FOXP1: variants seen among roughly 807,000 people sequenced by gnomAD.
The protein encoded by FOXP1 is forkhead box P1.
Under a neutral mutation model 98.2 loss-of-function variants are expected in FOXP1, and 15 were observed. The ratio of observed to expected loss-of-function variants is 0.15; its 90% CI spans 0.10 to 0.24. FOXP1 has a LOEUF of 0.24. Among genes scored for constraint, FOXP1 ranks in the 10% least tolerant of loss-of-function variants. FOXP1 has a pLI of 1.00. For synonymous variants in FOXP1, 371 were observed against 314.5 expected, an observed-to-expected ratio of 1.18 and a Z score of -1.90; for missense variants, 633 against 848.5, an observed-to-expected ratio of 0.75 and a Z score of 3.15.
chr3:71,366,599 C>CA (rs1560377715), intron 3 of FOXP1, among the ~76,000 whole-genome samples: 1 of 151,936 alleles, frequency 6.6e-6, no homozygotes, highest in Non-Finnish European at 1.5e-5. Context: ...AAGTAATATC[C>CA]AAAATACCTG....
At chr3:71,229,226 A>G (rs2066089694) in intron 5 of FOXP1, among the ~76,000 whole-genome samples, 1 of 152,186 alleles carries the variant, frequency 6.6e-6, no homozygotes, top group Admixed American at 6.5e-5. Context: ...ATTTGTACAT[A>G]ATCAGAGAAC....
rs948802068 is a variant in FOXP1 at position 70,970,929 on chromosome 3, A to C, written c.1653-124T>G. On this transcript the variant is annotated intron_variant, in intron 18 of 20. Transcript: ENST00000649528. ...GCAATTTCCCCCACTAGCAAAACCC[A>C]AGAAAAGTCAGGCTTTCTCCCCGTC... 3.4e-5 allele frequency: 26 copies of C among 759,456 alleles called. No individual in the cohort carries two copies. In the African/African-American group the frequency reaches 4.3e-4, roughly 13 times the overall value. The allele number at this position is 759,456 out of a possible 1,614,324, so 47.0% of individuals were successfully genotyped here. A position where few individuals can be genotyped will look rare whatever the true frequency, so the allele number is the denominator to read the frequency against.
intron 6 of FOXP1, among the ~76,000 whole-genome samples, chr3:71,115,737 C>T (rs1212697949): frequency 1.7e-5 from 2 of 116,082 alleles, no homozygotes; most frequent in Non-Finnish European, 1.8e-5. Flanking sequence ...CAAAACTATT[C>T]TTTTTTTTTT....
At chr3:71,106,969 A>G (rs2057492680) in intron 7 of FOXP1, among the ~76,000 whole-genome samples, 1 of 150,744 alleles carries the variant, frequency 6.6e-6, no homozygotes, top group Admixed American at 6.6e-5. Context: ...GGGTTTTGCC[A>G]TGTTGCCCAG....
At chr3:71,424,243 G>C (rs576395259) in intron 3 of FOXP1, among the ~76,000 whole-genome samples, 18 of 152,310 alleles carry the variant, frequency 1.2e-4, no homozygotes, top group African/African-American at 4.3e-4. Flanking sequence ...GCAAACAGAG[G>C]CATCACCTCC....
At chr3:71,374,546 G>A (rs1453517938) in intron 3 of FOXP1, among the ~76,000 whole-genome samples, 1 of 151,710 alleles carries the variant, frequency 6.6e-6, no homozygotes, top group Non-Finnish European at 1.5e-5. Flanking sequence ...TGAGCCAAGA[G>A]TGCGCCACTA....
intron 6 of FOXP1, among the ~76,000 whole-genome samples, chr3:71,174,915 G>GTT (rs547976769): frequency 2.9e-5 from 4 of 136,996 alleles, no homozygotes; most frequent in Admixed American, 7.3e-5. Context: ...GTACATAAAT[G>GTT]TTTTTTTTTT....
At chr3:70,977,301 A>T (rs1331692617) in intron 16 of FOXP1, among the ~76,000 whole-genome samples, 1 of 152,236 alleles carries the variant, frequency 6.6e-6, no homozygotes, top group East Asian at 1.9e-4. Context: ...GCAGAATCAA[A>T]GAGAAATGCA....
chr3:71,158,254 A>C (rs2060949324), intron 6 of FOXP1, among the ~76,000 whole-genome samples: 1 of 151,966 alleles, frequency 6.6e-6, no homozygotes, highest in African/African-American at 2.4e-5. Flanking sequence ...AGAGTGAGTG[A>C]GTGCCTGAAG....
At chr3:71,123,289 G>A (rs561866400) in intron 6 of FOXP1, among the ~76,000 whole-genome samples, 33 of 152,256 alleles carry the variant, frequency 2.2e-4, no homozygotes, top group African/African-American at 7.2e-4. Flanking sequence ...TGTTGTGATG[G>A]CAAACTCCAA....
At chr3:71,581,470 T>C (rs1578273384) in intron 2 of FOXP1, 79 bp downstream of exon 2, 1 of 985,450 alleles carries the variant, frequency 1.0e-6, no homozygotes, top group Middle Eastern at 5.2e-4. Flanking sequence ...GGCTGGCTCT[T>C]TGGGGACGGA....
intron 18 of FOXP1, chr3:70,971,874 A>T (rs2036337189): frequency 3.3e-6 from 2 of 607,736 alleles, no homozygotes; most frequent in Non-Finnish European, 5.2e-6. Flanking sequence ...ATACATGTAC[A>T]AATCACACAA....
intron 3 of FOXP1, among the ~76,000 whole-genome samples, chr3:71,473,152 A>G (rs974389988): frequency 5.3e-5 from 8 of 152,184 alleles, no homozygotes; most frequent in African/African-American, 1.9e-4. Context: ...ATTTAATCTC[A>G]CAGGAGCTCT....
chr3:71,242,486 T>G (rs756813388), intron 5 of FOXP1, among the ~76,000 whole-genome samples: 2 of 152,224 alleles, frequency 1.3e-5, no homozygotes, highest in Non-Finnish European at 2.9e-5. Flanking sequence ...TATTGTCAAT[T>G]TTGGCTGGAA....
chr3:71,103,958 C>T (rs1035408013), intron 7 of FOXP1, among the ~76,000 whole-genome samples: 1 of 151,510 alleles, frequency 6.6e-6, no homozygotes, highest in Non-Finnish European at 1.5e-5. Flanking sequence ...TGTTCCCCCC[C>T]CAAAAAAAGA....
chr3:71,226,727 C>T (rs780241820), intron 5 of FOXP1, among the ~76,000 whole-genome samples: 4 of 151,972 alleles, frequency 2.6e-5, no homozygotes, highest in African/African-American at 7.2e-5. Context: ...ATTTTCCTCT[C>T]GCAGTCTTGC....
intron 2 of FOXP1, among the ~76,000 whole-genome samples, chr3:71,528,291 T>C (rs2043557495): frequency 6.6e-6 from 1 of 152,198 alleles, no homozygotes; most frequent in Non-Finnish European, 1.5e-5. Context: ...GGGGAAAAGC[T>C]GAAGTAAAAG....
At chr3:71,365,910 G>A (rs1373360400) in intron 3 of FOXP1, among the ~76,000 whole-genome samples, 5 of 152,162 alleles carry the variant, frequency 3.3e-5, no homozygotes, top group Non-Finnish European at 7.4e-5. Context: ...TTGAAACTGG[G>A]AGGCAGAGGT....
intron 13 of FOXP1, among the ~76,000 whole-genome samples, chr3:70,989,989 T>G (rs1224207174): frequency 6.6e-5 from 10 of 152,314 alleles, no homozygotes; most frequent in African/African-American, 1.9e-4. Context: ...TACCTAGAAT[T>G]TGTATACACA....
Sources: gnomAD v4.1 joint callset for allele counts (sites outside exome capture counted in the v4.1 genomes callset) on GRCh38, gnomAD v4.1.1 for gene constraint, MANE v1.5 for transcripts, NCBI Gene and HGNC (gene_info 2026-07-23, HGNC 2026-07-21) for gene names.